PKP4: variants seen among roughly 807,000 people sequenced by gnomAD.
PKP4 encodes the protein plakophilin-4.
A neutral mutation model predicts 145.1 loss-of-function variants in PKP4; 90 were observed. The observed-to-expected ratio is 0.62, with a 90% CI of 0.52 to 0.74. The LOEUF (loss-of-function observed/expected upper bound fraction) is 0.74. Ranked by LOEUF, PKP4 falls within the 30% of genes least tolerant of loss-of-function variation. The pLI is 0.00. For synonymous variants in PKP4, 563 were observed against 577.2 expected (o/e 0.98, Z 0.35); for missense variants, 1,340 against 1,482.7 (o/e 0.90, Z 1.58).
chr2:158,653,457 G>C (rs2055594687), intron 11 of PKP4, among the ~76,000 whole-genome samples: 1 of 152,076 alleles, frequency 6.6e-6, no homozygotes, highest in Non-Finnish European at 1.5e-5. Context: ...TTCTTTGTGA[G>C]GAAAATGAAC....
At chr2:158,496,022 C>G (rs1196618084) in intron 1 of PKP4, among the ~76,000 whole-genome samples, 1 of 151,256 alleles carries the variant, frequency 6.6e-6, no homozygotes, top group Non-Finnish European at 1.5e-5. Context: ...ACTCTGTCAC[C>G]CAGGCTGGAA....
At chr2:158,640,542 CTTTT>C in intron 9 of PKP4, 81 bp from the exon 10 acceptor site, 1 of 1,451,370 alleles carries the variant, frequency 6.9e-7, no homozygotes, top group East Asian at 2.3e-5. Context: ...CTCAGCTGAG[CTTTT>C]TTTCCTTATA....
chr2:158,484,032 C>CTTTTTT (rs11289096), intron 1 of PKP4, among the ~76,000 whole-genome samples: 87 of 95,850 alleles, frequency 9.1e-4, no homozygotes, highest in Non-Finnish European at 1.0e-3. Flanking sequence ...TTTTCTTTTT[C>CTTTTTT]TTTTTTTTTT....
chr2:158,622,786 C>G (rs1379435684), intron 6 of PKP4, among the ~76,000 whole-genome samples: 1 of 152,174 alleles, frequency 6.6e-6, no homozygotes, highest in Admixed American at 6.5e-5. Flanking sequence ...TATATTTATT[C>G]TTTTGCTGTT....
intron 11 of PKP4, among the ~76,000 whole-genome samples, chr2:158,646,100 A>G (rs1326000579): frequency 6.6e-6 from 1 of 152,238 alleles, no homozygotes; most frequent in Admixed American, 6.5e-5. Context: ...GATCATATCA[A>G]TCACTTCTAA....
chr2:158,532,354 T>G (rs2043640300), intron 1 of PKP4, among the ~76,000 whole-genome samples: 1 of 152,324 alleles, frequency 6.6e-6, no homozygotes, highest in East Asian at 1.9e-4. Context: ...ATATCATCCT[T>G]CATTCATGTA....
chr2:158,544,525 C>G (rs568010668), intron 2 of PKP4, among the ~76,000 whole-genome samples: 2 of 152,176 alleles, frequency 1.3e-5, no homozygotes, highest in East Asian at 3.9e-4. Context: ...TCCCCTCCCC[C>G]AGCTCAACAA....
chr2:158,674,533 C>T (rs1054195523), intron 19 of PKP4, among the ~76,000 whole-genome samples: 1 of 152,216 alleles, frequency 6.6e-6, no homozygotes, highest in African/African-American at 2.4e-5. Flanking sequence ...CCTCTGCAGA[C>T]CCCCAGCATC....
intron 6 of PKP4, 71 bp downstream of exon 6, chr2:158,621,492 T>C (rs2052234416): frequency 4.5e-6 from 6 of 1,345,322 alleles, no homozygotes; most frequent in Non-Finnish European, 6.2e-6. Context: ...ATGCCTGTAA[T>C]CCCAGCATTT....
chr2:158,596,318 G>A (rs1337177285), intron 3 of PKP4, among the ~76,000 whole-genome samples: 1 of 151,994 alleles, frequency 6.6e-6, no homozygotes, highest in Non-Finnish European at 1.5e-5. Context: ...TGTAAACGTG[G>A]GCGTTTTTAA....
chr2:158,536,430 C>T (rs563721055), intron 2 of PKP4, among the ~76,000 whole-genome samples: 1 of 152,274 alleles, frequency 6.6e-6, no homozygotes, highest in Admixed American at 6.5e-5. Context: ...GAGGAAAAGT[C>T]TGGGTTCTTC....
At chr2:158,511,163 G>A (rs1186816014) in intron 1 of PKP4, among the ~76,000 whole-genome samples, 4 of 152,152 alleles carry the variant, frequency 2.6e-5, no homozygotes, top group Non-Finnish European at 5.9e-5. Context: ...AAGGCGAGCG[G>A]ATCACCTGAG....
rs562545918 is a variant in PKP4, at chr2:158,463,883, C to T, written c.-6+6665C>T. Reference sequence around the variant, plus strand: ...CCCTCTGTGGCTGAGTCAGTGGCTCCGTGTCTTGTGCGGTAGTGGTGAAGT... The same window carrying T: ...CCCTCTGTGGCTGAGTCAGTGGCTCTGTGTCTTGTGCGGTAGTGGTGAAGT... On this transcript the variant is annotated intron_variant, in intron 1 of 21. Transcript: ENST00000389759. Among the ~76,000 whole-genome samples, 23 of 152,270 alleles carry T rather than the reference C, an allele frequency of 1.5e-4. No individual in the cohort carries two copies. In the South Asian group the frequency reaches 4.6e-3, roughly 30 times the overall value.
intron 7 of PKP4, among the ~76,000 whole-genome samples, chr2:158,628,618 GA>G (rs1175370161): frequency 1.3e-5 from 2 of 152,070 alleles, no homozygotes; most frequent in Non-Finnish European, 2.9e-5. Context: ...ATCCTATAAC[GA>G]GTGAACATCT....
In PKP4 at chr2:158,577,302, TG is replaced by T; in HGVS notation, c.166del (p.Glu56LysfsTer11). On this transcript the variant is annotated frameshift_variant, in exon 3 of 22. Coordinates refer to ENST00000389759, the MANE Select transcript of PKP4 (RefSeq NM_003628.6). LOFTEE classifies it high-confidence loss of function. ...CAGTTTCAGCGACTCACCCGAGAAC[TG>T]GAAGTGGAAAGGCAGATTGTTGCCA... is the stretch of plus-strand genomic sequence containing the variant. ...ELQFQRLTRE[L>X]EVERQIVASQ... 6.2e-7 allele frequency: 1 copy of T among 1,613,110 alleles called. No individual in the cohort carries two copies. The highest frequency in any genetic ancestry group is 8.5e-7 in the Non-Finnish European group (1 of 1,179,614).
intron 3 of PKP4, among the ~76,000 whole-genome samples, chr2:158,587,663 T>C (rs2048912853): frequency 6.6e-6 from 1 of 152,002 alleles, no homozygotes; most frequent in African/African-American, 2.4e-5. Flanking sequence ...TTGAGAAATG[T>C]TAAAAATTGT....
chr2:158,585,481 A>C (rs1359801744), intron 3 of PKP4, among the ~76,000 whole-genome samples: 4 of 152,332 alleles, frequency 2.6e-5, no homozygotes, highest in Non-Finnish European at 5.9e-5. Flanking sequence ...ATATTACTAA[A>C]AATCCTAAAA....
intron 3 of PKP4, among the ~76,000 whole-genome samples, chr2:158,581,717 T>A (rs2048350709): frequency 6.6e-6 from 1 of 152,186 alleles, no homozygotes; most frequent in Non-Finnish European, 1.5e-5. Flanking sequence ...ATTTTATAGG[T>A]AGAAACTAGT....
chr2:158,620,300 CAG>C (rs2052085344), intron 4 of PKP4, among the ~76,000 whole-genome samples: 1 of 151,888 alleles, frequency 6.6e-6, no homozygotes, highest in Non-Finnish European at 1.5e-5. Flanking sequence ...GCATAAAAAA[CAG>C]AAGTTTGAAT....
Sources: allele counts gnomAD v4.1 joint callset (sites outside exome capture counted in the v4.1 genomes callset), GRCh38; gene constraint gnomAD v4.1.1; transcripts MANE v1.5; gene names NCBI Gene and HGNC (gene_info 2026-07-23, HGNC 2026-07-21).